ATIC: variants seen among roughly 807,000 people sequenced by gnomAD.
ATIC encodes the protein bifunctional purine biosynthesis protein ATIC.
A neutral mutation model predicts 72.5 loss-of-function variants in ATIC; 64 were observed. The ratio of observed to expected loss-of-function variants is 0.88; its 90% CI spans 0.72 to 1.09. The LOEUF (loss-of-function observed/expected upper bound fraction) is 1.09, where lower values mean the gene tolerates loss of function less well. Ranked by LOEUF, ATIC falls within the 50% of genes least tolerant of loss-of-function variation. The pLI is 0.00. For synonymous variants in ATIC, 281 were observed against 267.1 expected (o/e 1.05, Z -0.51); for missense variants, 787 against 732.4 (o/e 1.07, Z -0.86).
intron 12 of ATIC, among the ~76,000 whole-genome samples, chr2:215,340,615 G>A (rs576131377): frequency 1.3e-5 from 2 of 152,264 alleles, no homozygotes; most frequent in East Asian, 3.9e-4. Flanking sequence ...CAGATAAGGT[G>A]TAGGAGGTAT....
At position 215,318,165 on chromosome 2, in the gene ATIC, C is replaced by G. The variant is rs1363839349; in HGVS notation, c.155C>G (p.Ser52Cys). The change falls in exon 3 of 16, where the codon TCT becomes TGT. Residue 52 changes from serine to cysteine, a missense_variant. Transcript: ENST00000236959. ...GTTTATCTGTTTTTCAGAGATGTCT[C>G]TGAGTTGACGGGATTTCCTGAAATG... is the stretch of plus-strand genomic sequence containing the variant. ...RDAGLAVRDV[S>C]ELTGFPEMLG... 3.7e-6 allele frequency: 6 copies of G among 1,614,030 alleles called. No individual in the cohort carries two copies. The highest frequency in any genetic ancestry group is 3.3e-5 in the Admixed American group (2 of 60,012).
intron 2 of ATIC, among the ~76,000 whole-genome samples, chr2:215,314,145 T>G (rs1028364494): frequency 2.0e-5 from 3 of 152,230 alleles, no homozygotes; most frequent in Admixed American, 6.5e-5. Flanking sequence ...CACTCCTCAC[T>G]TATCTTCATT....
chr2:215,332,130 T>TTG (rs2052901118), intron 7 of ATIC, among the ~76,000 whole-genome samples: 2 of 89,324 alleles, frequency 2.2e-5, no homozygotes, highest in African/African-American at 9.1e-5. Flanking sequence ...GGTCCTCCAG[T>TTG]CGTGTGTGTG....
Position 215,312,542 on chromosome 2 carries a change from A to G in ATIC, c.64A>G (p.Arg22Gly), listed in dbSNP as rs2052665192. 1.9e-6 allele frequency: 3 copies of G among 1,614,250 alleles called. No individual in the cohort carries two copies. The highest frequency in any genetic ancestry group is 2.5e-6 in the Non-Finnish European group (3 of 1,180,038). The change falls in exon 2 of 16, where the codon AGA becomes GGA. Residue 22 changes from arginine to glycine, a missense_variant. Coordinates refer to ENST00000236959, the MANE Select transcript of ATIC (RefSeq NM_004044.7). ...CAAAACCGGCCTTGTGGAATTTGCA[A>G]GAAACCTGACCGCTCTTGGTTTGAA... is the stretch of plus-strand genomic sequence containing the variant. ...SDKTGLVEFA[R>G]NLTALGLNLV...
At chr2:215,328,081 C>T (rs1045457992) in intron 7 of ATIC, among the ~76,000 whole-genome samples, 9 of 151,728 alleles carry the variant, frequency 5.9e-5, no homozygotes, top group African/African-American at 2.2e-4. Context: ...ACCATGTTGG[C>T]CAGGCTGGTC....
the ATIC span, among the ~76,000 whole-genome samples, chr2:215,359,115 C>T: frequency 1.3e-5 from 2 of 152,120 alleles, no homozygotes; most frequent in African/African-American, 2.4e-5. Flanking sequence ...AACTCCCGAG[C>T]TCAAGCAACC....
intron 11 of ATIC, among the ~76,000 whole-genome samples, chr2:215,337,635 G>A (rs1186480565): frequency 2.0e-5 from 3 of 152,124 alleles, no homozygotes; most frequent in Non-Finnish European, 4.4e-5. Flanking sequence ...CCAAAGTGTT[G>A]GGATTACAGG....
rs2052856222 is a variant in ATIC, at chr2:215,328,662, C to T, written c.688+1684C>T. On this transcript the variant is annotated intron_variant, in intron 7 of 15. Coordinates refer to ENST00000236959, the MANE Select transcript of ATIC (RefSeq NM_004044.7). ...TTCATCCCATCACCCTGTTTTGCTG[C>T]ATGTGTTTCTATTCAATCTGTTCAA... 2.0e-5 allele frequency among the ~76,000 whole-genome samples: 3 copies of T among 152,128 alleles called. No individual in the cohort carries two copies. The South Asian group carries it at 6.2e-4, about 32-fold the overall frequency.
At chr2:215,317,517 GCT>G (rs2052722882) in intron 2 of ATIC, among the ~76,000 whole-genome samples, 1 of 152,070 alleles carries the variant, frequency 6.6e-6, no homozygotes, top group Non-Finnish European at 1.5e-5. Flanking sequence ...ATGGAGTCTT[GCT>G]CTGTCGCCCA....
chr2:215,319,835 C>T (rs930554852), intron 4 of ATIC, 104 bp downstream of exon 4: 24 of 929,526 alleles, frequency 2.6e-5, no homozygotes, highest in Admixed American at 1.0e-4. Context: ...ACCTTTACTG[C>T]GTACCTTCTG....
At chr2:215,346,699 T>G in intron 13 of ATIC, 60 bp from the exon 14 acceptor site, 1 of 1,564,988 alleles carries the variant, frequency 6.4e-7, no homozygotes. Context: ...GCACAAAAGA[T>G]CCTTTTGAGA....
At chr2:215,324,324 G>A (rs989593952) in intron 4 of ATIC, among the ~76,000 whole-genome samples, 1 of 152,176 alleles carries the variant, frequency 6.6e-6, no homozygotes, top group Non-Finnish European at 1.5e-5. Flanking sequence ...AATTTGCTGA[G>A]TGTTTCTATA....
intron 1 of ATIC, 163 bp from the exon 2 acceptor site, chr2:215,312,335 C>T: frequency 6.7e-7 from 1 of 1,494,716 alleles, no homozygotes. Flanking sequence ...CTTAGAGCAG[C>T]TCGCGGGTGT....
At chr2:215,346,560 G>A (rs1235448111) in intron 13 of ATIC, among the ~76,000 whole-genome samples, 199 bp from the exon 14 acceptor site, 1 of 151,544 alleles carries the variant, frequency 6.6e-6, no homozygotes, top group Admixed American at 6.6e-5. Context: ...TCACTGAAGA[G>A]GTATAAATAG....
In ATIC at chr2:215,334,930, A is replaced by G; in HGVS notation, c.934A>G (p.Met312Val). 6.2e-7 allele frequency: 1 copy of G among 1,613,264 alleles called. No homozygotes were observed. The highest frequency in any genetic ancestry group is 8.5e-7 in the Non-Finnish European group (1 of 1,179,452). Reference sequence around the variant, plus strand: ...AATTTTATTTACAGGGGCTGATAGGATGTCTTCATTTGGTGATTTTGTTGC... The same window carrying G: ...AATTTTATTTACAGGGGCTGATAGGGTGTCTTCATTTGGTGATTTTGTTGC... ...AYARARGADR[M>V]SSFGDFVALS... The change falls in exon 10 of 16, where the codon ATG becomes GTG. Residue 312 changes from methionine to valine, a missense_variant. By Grantham distance (21) the Met-to-Val change is conservative (BLOSUM62 1). Transcript: ENST00000236959.
chr2:215,354,336 C>G (rs561642823), downstream of ATIC, among the ~76,000 whole-genome samples: 1 of 152,278 alleles, frequency 6.6e-6, no homozygotes, highest in African/African-American at 2.4e-5. Context: ...TCTCAGGAAA[C>G]TAATTTTTTC....
rs771474223 is a variant in ATIC at position 215,346,912 on chromosome 2, G to T, written c.1474G>T (p.Asp492Tyr). Reference sequence around the variant, plus strand: ...GAGAGCAGAAATCTCCAATGCCATCGATCAATATGTGACTGGAACCATTGG... The same window carrying T: ...GAGAGCAGAAATCTCCAATGCCATCTATCAATATGTGACTGGAACCATTGG... ...VKRAEISNAI[D>Y]QYVTGTIGED... Residue 492 changes from aspartate (D) to tyrosine (Y), a missense_variant, in exon 14 of 16, where the codon GAT (aspartate) becomes TAT (tyrosine). By Grantham distance (160) the Asp-to-Tyr change is radical. Coordinates refer to ENST00000236959, the MANE Select transcript of ATIC (RefSeq NM_004044.7). 7 of 1,614,044 alleles carry T rather than the reference G, an allele frequency of 4.3e-6. No homozygotes were observed. The highest frequency in any genetic ancestry group is 1.3e-5 in the African/African-American group (1 of 74,942).
intron 2 of ATIC, among the ~76,000 whole-genome samples, chr2:215,314,555 A>G (rs533546746): frequency 1.1e-3 from 163 of 151,504 alleles, no homozygotes; most frequent in African/African-American, 3.7e-3. Context: ...CTGGAGTGCA[A>G]TGGCACTGTC....
intron 9 of ATIC, among the ~76,000 whole-genome samples, chr2:215,334,483 A>G (rs1449120639): frequency 1.3e-5 from 2 of 152,152 alleles, no homozygotes; most frequent in Non-Finnish European, 2.9e-5. Context: ...GGCGTGATTT[A>G]TGGCTCTTCT....
Sources: gnomAD v4.1 joint callset for allele counts (sites outside exome capture counted in the v4.1 genomes callset) on GRCh38, gnomAD v4.1.1 for gene constraint, MANE v1.5 for transcripts, NCBI Gene and HGNC (gene_info 2026-07-23, HGNC 2026-07-21) for gene names.